SCLT1: variants seen among roughly 807,000 people sequenced by gnomAD.
SCLT1 encodes the protein sodium channel and clathrin linker 1.
Under a neutral mutation model 112.8 loss-of-function variants are expected in SCLT1, and 78 were observed. That is an observed-to-expected ratio of 0.69 (90% CI 0.58 to 0.83). The LOEUF (loss-of-function observed/expected upper bound fraction) is 0.83. Ranked by LOEUF, SCLT1 falls within the 40% of genes least tolerant of loss-of-function variation. The pLI, the probability that SCLT1 is intolerant of heterozygous loss-of-function variation, is 0.00. For missense variants in SCLT1, 747 were observed against 770.4 expected, an observed-to-expected ratio of 0.97 and a Z score of 0.36; for synonymous variants, 257 against 254.7, an observed-to-expected ratio of 1.01 and a Z score of -0.09.
chr4:129,025,788 C>T (rs1187080659), intron 5 of SCLT1, among the ~76,000 whole-genome samples: 2 of 151,822 alleles, frequency 1.3e-5, no homozygotes, highest in Non-Finnish European at 2.9e-5. Context: ...CATCAGTGTG[C>T]TGTATTCAGG....
chr4:128,960,263 G>C (rs976709024), intron 11 of SCLT1, among the ~76,000 whole-genome samples: 4 of 151,750 alleles, frequency 2.6e-5, no homozygotes, highest in Non-Finnish European at 5.9e-5. Context: ...ATGATCATAT[G>C]TACATATATA....
chr4:128,899,979 G>A (rs1734131768), intron 18 of SCLT1, among the ~76,000 whole-genome samples: 1 of 152,126 alleles, frequency 6.6e-6, no homozygotes, highest in South Asian at 2.1e-4. Context: ...GGATGTGAAG[G>A]ACCTCTTCAA....
chr4:129,064,438 A>G (rs759237915), intron 2 of SCLT1, among the ~76,000 whole-genome samples: 1 of 152,114 alleles, frequency 6.6e-6, no homozygotes, highest in Non-Finnish European at 1.5e-5. Flanking sequence ...GACCCTCAAA[A>G]ATTGTATAGA....
chr4:128,901,979 C>T (rs1360956445), intron 18 of SCLT1, among the ~76,000 whole-genome samples: 1 of 151,940 alleles, frequency 6.6e-6, no homozygotes, highest in African/African-American at 2.4e-5. Flanking sequence ...TGCAGTGGTA[C>T]AATCATGGCT....
At chr4:128,980,557 G>T (rs1434539826) in intron 9 of SCLT1, among the ~76,000 whole-genome samples, 1 of 151,942 alleles carries the variant, frequency 6.6e-6, no homozygotes, top group Non-Finnish European at 1.5e-5. Flanking sequence ...AAGTAATTTT[G>T]CTAGCATATT....
chr4:128,970,700 C>T (rs1560909485), intron 9 of SCLT1: 1 of 416,632 alleles, frequency 2.4e-6, no homozygotes, highest in Non-Finnish European at 4.3e-6. Flanking sequence ...GTCATGAATG[C>T]TGTACTTGGG....
chr4:129,047,473 T>A (rs1187535849), intron 2 of SCLT1, among the ~76,000 whole-genome samples: 2 of 152,094 alleles, frequency 1.3e-5, no homozygotes, highest in African/African-American at 4.8e-5. Context: ...GTGCAGTTGT[T>A]CTGCAAGATT....
At chr4:128,998,535 T>C (rs566250218) in intron 7 of SCLT1, among the ~76,000 whole-genome samples, 84 of 151,996 alleles carry the variant, frequency 5.5e-4, no homozygotes, top group African/African-American at 2.0e-3. Context: ...AAGTCTTGTA[T>C]AAGGACCCAT....
chr4:128,924,405 A>C lies in SCLT1; in HGVS notation c.1829+12250T>G, dbSNP rs1169007666. Among the ~76,000 whole-genome samples the C allele has an allele frequency of 2.0e-5, 3 of 152,066 alleles. No individual in the cohort carries two copies. In the East Asian group the frequency reaches 5.8e-4, roughly 29 times the overall value. ...CTCTTCAGCTTCCTGAGTAGCTGGG[A>C]TTACAAGTGTGGGCCACTATACCTG... On this transcript the variant is annotated intron_variant, in intron 18 of 20. Coordinates refer to ENST00000281142, the MANE Select transcript of SCLT1 (RefSeq NM_144643.4).
In SCLT1 at chr4:129,050,348, C is replaced by T. The variant is rs534670690; in HGVS notation, c.103-6297G>A. On this transcript the variant is annotated intron_variant, in intron 2 of 20. Coordinates refer to ENST00000281142, the MANE Select transcript of SCLT1 (RefSeq NM_144643.4). The stretch of plus-strand genomic sequence containing the variant: ...CAATGGTTGAACTAATTTACACTCC[C>T]ACCAGCAGTGTAAAAGCATTCCTAT... Among the ~76,000 whole-genome samples, 13 of 152,304 alleles carry T rather than the reference C, an allele frequency of 8.5e-5. No homozygotes were observed. The South Asian group carries it at 2.7e-3, about 32-fold the overall frequency.
intron 14 of SCLT1, among the ~76,000 whole-genome samples, chr4:128,949,215 T>C (rs1738473509): frequency 6.7e-6 from 1 of 150,214 alleles, no homozygotes; most frequent in Non-Finnish European, 1.5e-5. Flanking sequence ...TGTGTATGGC[T>C]TGTTTTTTTT....
At chr4:129,079,219 C>T (rs1450879067) in intron 2 of SCLT1, among the ~76,000 whole-genome samples, 1 of 152,110 alleles carries the variant, frequency 6.6e-6, no homozygotes, top group Non-Finnish European at 1.5e-5. Context: ...TACAATCGTC[C>T]CTCCTCAACA....
At chr4:129,056,620 A>AT (rs374556392) in intron 2 of SCLT1, among the ~76,000 whole-genome samples, 1 of 152,012 alleles carries the variant, frequency 6.6e-6, no homozygotes, top group Non-Finnish European at 1.5e-5. Flanking sequence ...TGCTTTCTTG[A>AT]TTTTTTTCTC....
intron 14 of SCLT1, chr4:128,952,460 T>C (rs1273295464): frequency 2.0e-6 from 1 of 499,400 alleles, no homozygotes; most frequent in South Asian, 1.6e-5. Context: ...ATACTTTCTC[T>C]TTCTCCTTGG....
At chr4:128,883,858 AT>A (rs1732710774), downstream of SCLT1, 2 of 152,248 alleles carry the variant, frequency 1.3e-5, no homozygotes, top group Non-Finnish European at 2.9e-5. Flanking sequence ...TAAGATCTCC[AT>A]TTGATTAGTA....
At chr4:128,953,359 T>C (rs186159755) in intron 13 of SCLT1, among the ~76,000 whole-genome samples, 1 of 152,328 alleles carries the variant, frequency 6.6e-6, no homozygotes, top group African/African-American at 2.4e-5. Flanking sequence ...TGTATCAACC[T>C]ATTGTGTTGT....
intron 5 of SCLT1, among the ~76,000 whole-genome samples, chr4:129,026,987 C>G (rs1041801513): frequency 1.5e-4 from 23 of 152,224 alleles, no homozygotes; most frequent in Admixed American, 5.2e-4. Context: ...TACACCCTCC[C>G]AAGACTAAAC....
intron 5 of SCLT1, among the ~76,000 whole-genome samples, chr4:129,034,120 C>CA (rs2126150255): frequency 6.6e-6 from 1 of 152,094 alleles, no homozygotes; most frequent in East Asian, 1.9e-4. Context: ...ATAAACACAT[C>CA]AATTTGAAGG....
At chr4:128,965,154 TCA>T in intron 11 of SCLT1, 71 bp downstream of exon 11, 1 of 754,594 alleles carries the variant, frequency 1.3e-6, no homozygotes, top group Non-Finnish European at 2.3e-6. Context: ...CTAGTAAATA[TCA>T]CACACTGAAA....
Sources: allele counts gnomAD v4.1 joint callset (sites outside exome capture counted in the v4.1 genomes callset), GRCh38; gene constraint gnomAD v4.1.1; transcripts MANE v1.5; gene names NCBI Gene and HGNC (gene_info 2026-07-23, HGNC 2026-07-21).